The following FRMPD4 variants were observed in gnomAD, a reference collection of about 807,000 sequenced individuals.
FRMPD4 encodes FERM and PDZ domain-containing protein 4.
Under a neutral mutation model 94.1 loss-of-function variants are expected in FRMPD4, and 22 were observed. The ratio of observed to expected loss-of-function variants is 0.23; its 90% CI spans 0.17 to 0.33. The LOEUF is 0.33. Ranked by LOEUF, FRMPD4 falls within the 10% of genes least tolerant of loss-of-function variation. FRMPD4 has a pLI of 1.00. For missense variants in FRMPD4, 1,111 were observed against 1,339.9 expected, an observed-to-expected ratio of 0.83 and a Z score of 2.67; for synonymous variants, 631 against 548.6, an observed-to-expected ratio of 1.15 and a Z score of -2.10.
chrX:12,693,340 CAAGT>C (rs772603375), intron 8 of FRMPD4, among the ~76,000 whole-genome samples: 5 of 111,959 alleles, frequency 4.5e-5, no homozygotes, highest in Non-Finnish European at 7.5e-5. Flanking sequence ...TTCATTCATT[CAAGT>C]GTTTATTAAA....
In FRMPD4 at chrX:12,075,339, G is replaced by T. The variant is rs767050272; in HGVS notation, c.95+197321G>T. Among the ~76,000 whole-genome samples the T allele has an allele frequency of 2.0e-4, 21 of 107,611 alleles. 1 individual carries two copies. The East Asian group carries it at 5.5e-3, about 28-fold the overall frequency. 93.4% of individuals were successfully genotyped at this position (107,611 alleles called of 115,157 possible). A position where few individuals can be genotyped will look rare whatever the true frequency, so the allele number is the denominator to read the frequency against. On this transcript the variant is annotated intron_variant, in intron 3 of 18. Transcript: ENST00000640291. Reference sequence around the variant, plus strand: ...GTGAAGGCTGTTAGTAGTGGGGGAGGTTATGTGTGTGTGGGGGGTGGTATA... The same window carrying T: ...GTGAAGGCTGTTAGTAGTGGGGGAGTTTATGTGTGTGTGGGGGGTGGTATA...
intron 1 of FRMPD4, among the ~76,000 whole-genome samples, chrX:12,281,012 C>G (rs889118175): frequency 8.9e-6 from 1 of 112,229 alleles, no homozygotes; most frequent in African/African-American, 3.2e-5. Flanking sequence ...CTAACCTTCT[C>G]TCTTCCATTA....
intron 12 of FRMPD4, 87 bp downstream of exon 12, chrX:12,707,002 T>C: frequency 2.0e-6 from 1 of 498,680 alleles, no homozygotes. Flanking sequence ...AAATCAGCTG[T>C]GAATCTTCTC....
chrX:12,204,131 G>A (rs923043885), intron 1 of FRMPD4, among the ~76,000 whole-genome samples: 2 of 112,241 alleles, frequency 1.8e-5, no homozygotes, highest in Non-Finnish European at 3.8e-5. Context: ...GAGACATCTT[G>A]TAATGTCTGG....
chrX:12,643,251 C>T (rs781225457), intron 4 of FRMPD4, among the ~76,000 whole-genome samples: 1 of 109,587 alleles, frequency 9.1e-6, no homozygotes, highest in Non-Finnish European at 1.9e-5. Context: ...GATCCTCCTG[C>T]CTCAGCCTCC....
At chrX:12,097,060 A>C (rs958616323) in intron 3 of FRMPD4, among the ~76,000 whole-genome samples, 3 of 112,319 alleles carry the variant, frequency 2.7e-5, no homozygotes, top group Non-Finnish European at 5.6e-5. Context: ...TCCAGAAAGT[A>C]GCTACCACTC....
intron 1 of FRMPD4, among the ~76,000 whole-genome samples, chrX:12,284,584 G>C (rs745906233): frequency 1.8e-5 from 2 of 111,734 alleles, no homozygotes; most frequent in Non-Finnish European, 3.8e-5. Flanking sequence ...GGGCAGGGCC[G>C]AGATTTACAG....
intron 2 of FRMPD4, among the ~76,000 whole-genome samples, chrX:12,578,074 C>T (rs1408190939): frequency 8.9e-6 from 1 of 112,553 alleles, no homozygotes; most frequent in East Asian, 2.8e-4. Context: ...TCTGGTGTCT[C>T]TTCTTATAAG....
At chrX:12,135,091 C>T (rs2055585542), upstream of FRMPD4, among the ~76,000 whole-genome samples, 1 of 111,976 alleles carries the variant, frequency 8.9e-6, no homozygotes, top group South Asian at 3.8e-4. Flanking sequence ...CCAAATGTCA[C>T]TTGAACCTAA....
chrX:11,833,642 T>C (rs2053486739), intron 1 of FRMPD4, among the ~76,000 whole-genome samples: 1 of 111,794 alleles, frequency 8.9e-6, no homozygotes, highest in Non-Finnish European at 1.9e-5. Flanking sequence ...AAATAAAGAA[T>C]GTTTGCAGCC....
chrX:12,602,042 C>G (rs780208976), intron 2 of FRMPD4, among the ~76,000 whole-genome samples: 1 of 111,459 alleles, frequency 9.0e-6, no homozygotes, highest in Non-Finnish European at 1.9e-5. Context: ...TTTATTAGAC[C>G]TGGGAGTGGA....
In FRMPD4 at chrX:12,064,118, A is replaced by T. The variant is rs1237737497; in HGVS notation, c.95+186100A>T. 3.6e-5 allele frequency among the ~76,000 whole-genome samples: 4 copies of T among 112,410 alleles called. No individual in the cohort carries two copies. The East Asian group carries it at 1.1e-3, about 31-fold the overall frequency. Reference sequence around the variant, plus strand: ...CTTAGCTGTTCTGTACTTAGCTGTAAGCCAGGAAGTTGCATCTTTGAAAGT... The same window carrying T: ...CTTAGCTGTTCTGTACTTAGCTGTATGCCAGGAAGTTGCATCTTTGAAAGT... On this transcript the variant is annotated intron_variant, in intron 3 of 18. Coordinates refer to the FRMPD4 transcript ENST00000640291.
At chrX:12,419,160 A>G (rs113262748) in intron 1 of FRMPD4, among the ~76,000 whole-genome samples, 2,570 of 111,480 alleles carry the variant, frequency 0.023, 77 homozygotes, top group African/African-American at 0.079. Context: ...AAAGTCCCTC[A>G]ACCTCCTGCC....
At chrX:12,635,943 A>G (rs1432647245) in intron 4 of FRMPD4, among the ~76,000 whole-genome samples, 1 of 111,964 alleles carries the variant, frequency 8.9e-6, no homozygotes, top group Non-Finnish European at 1.9e-5. Context: ...ATGCCAAGGT[A>G]CTTTCTCACC....
chrX:12,146,782 C>T (rs1274386713), intron 1 of FRMPD4, among the ~76,000 whole-genome samples: 1 of 112,341 alleles, frequency 8.9e-6, no homozygotes, highest in Non-Finnish European at 1.9e-5. Flanking sequence ...TGGCCCATCT[C>T]TTGTTTGCTT....
At chrX:12,285,043 T>C (rs2054580997) in intron 1 of FRMPD4, among the ~76,000 whole-genome samples, 1 of 111,943 alleles carries the variant, frequency 8.9e-6, no homozygotes, top group Non-Finnish European at 1.9e-5. Flanking sequence ...GTTTGACCTT[T>C]CATGAATGTA....
chrX:12,289,858 A>C (rs935192631), intron 1 of FRMPD4, among the ~76,000 whole-genome samples: 1 of 112,136 alleles, frequency 8.9e-6, no homozygotes, highest in Non-Finnish European at 1.9e-5. Context: ...AGATAAATAC[A>C]GTATTTCCTG....
At chrX:12,033,192 G>A (rs1451485546) in intron 3 of FRMPD4, among the ~76,000 whole-genome samples, 1 of 111,355 alleles carries the variant, frequency 9.0e-6, no homozygotes, top group Admixed American at 9.6e-5. Flanking sequence ...GGGGATTGAA[G>A]AAAGTGTATT....
chrX:12,116,823 T>A (rs2055413366), intron 3 of FRMPD4, among the ~76,000 whole-genome samples: 1 of 112,265 alleles, frequency 8.9e-6, no homozygotes, highest in African/African-American at 3.2e-5. Flanking sequence ...TTTGTTGCTA[T>A]ATGTGCTTGT....
Sources: allele counts gnomAD v4.1 joint callset (sites outside exome capture counted in the v4.1 genomes callset), GRCh38; gene constraint gnomAD v4.1.1; transcripts MANE v1.5; gene names NCBI Gene and HGNC (gene_info 2026-07-23, HGNC 2026-07-21).